The following BICC1 variants were observed in gnomAD, a reference collection of about 807,000 sequenced individuals.
BICC1 encodes the protein BicC family RNA binding protein 1.
A neutral mutation model predicts 111.0 loss-of-function variants in BICC1; 43 were observed. The observed-to-expected ratio is 0.39, with a 90% CI of 0.30 to 0.50. BICC1 has a LOEUF of 0.50. BICC1 is among the 20% of genes least tolerant of loss of function. The pLI is 0.88. For missense variants in BICC1, 1,091 were observed against 1,203.2 expected (o/e 0.91, Z 1.38); for synonymous variants, 467 against 434.4 (o/e 1.07, Z -0.93).
At chr10:58,551,965 G>GC (rs1564484140) in intron 1 of BICC1, among the ~76,000 whole-genome samples, 1 of 35,670 alleles carries the variant, frequency 2.8e-5, no homozygotes, top group African/African-American at 2.1e-4. Flanking sequence ...AGTTTTTTTT[G>GC]GGGGGGGATA....
chr10:58,731,373 C>A (rs539793713), intron 3 of BICC1, among the ~76,000 whole-genome samples: 2 of 152,286 alleles, frequency 1.3e-5, no homozygotes, highest in South Asian at 2.1e-4. Context: ...TTCATCTTCC[C>A]CCTCATCTTC....
chr10:58,784,184 T>TA, intron 3 of BICC1, among the ~76,000 whole-genome samples: 1 of 152,188 alleles, frequency 6.6e-6, no homozygotes, highest in Non-Finnish European at 1.5e-5. Context: ...TTGATTAAAT[T>TA]ATATTTTGTC....
At chr10:58,634,063 C>A (rs1213534514) in intron 2 of BICC1, among the ~76,000 whole-genome samples, 4 of 143,646 alleles carry the variant, frequency 2.8e-5, no homozygotes, top group Non-Finnish European at 4.5e-5. Context: ...GGCGCAATGT[C>A]AGCTCACTGC....
At chr10:58,751,186 T>A (rs1182011844) in intron 3 of BICC1, among the ~76,000 whole-genome samples, 1 of 152,098 alleles carries the variant, frequency 6.6e-6, no homozygotes, top group South Asian at 2.1e-4. Context: ...ATAAATAAGG[T>A]TGTTTTTCTT....
intron 20 of BICC1, chr10:58,824,102 G>A (rs1019377000): frequency 1.0e-6 from 1 of 984,060 alleles, no homozygotes; most frequent in Non-Finnish European, 1.2e-6. Flanking sequence ...TGGCATACTT[G>A]GAACTATCGA....
intron 3 of BICC1, among the ~76,000 whole-genome samples, chr10:58,725,228 A>G (rs909685626): frequency 6.6e-6 from 1 of 152,196 alleles, no homozygotes; most frequent in Non-Finnish European, 1.5e-5. Context: ...ATCATGCAAG[A>G]CATGTACATT....
chr10:58,753,630 G>A (rs970557891), intron 3 of BICC1, among the ~76,000 whole-genome samples: 18 of 151,684 alleles, frequency 1.2e-4, no homozygotes, highest in African/African-American at 3.6e-4. Context: ...TCTCTGCATC[G>A]GCCACACCTG....
chr10:58,605,198 A>AATAGCCTAG (rs1845169330), intron 1 of BICC1, among the ~76,000 whole-genome samples: 2 of 152,334 alleles, frequency 1.3e-5, no homozygotes, highest in African/African-American at 4.8e-5. Context: ...AGAATATTAA[A>AATAGCCTAG]AATCGTCACG....
chr10:58,522,368 G>A (rs991002116), intron 1 of BICC1, among the ~76,000 whole-genome samples: 1 of 152,098 alleles, frequency 6.6e-6, no homozygotes, highest in Non-Finnish European at 1.5e-5. Flanking sequence ...TCAGACCACA[G>A]TGCAATCAAA....
chr10:58,650,666 T>C (rs984795079), intron 2 of BICC1: 2 of 152,242 alleles, frequency 1.3e-5, no homozygotes, highest in African/African-American at 4.8e-5. Flanking sequence ...TTTGTGTTAC[T>C]AGCCTAGAGT....
intron 3 of BICC1, among the ~76,000 whole-genome samples, chr10:58,758,689 A>G (rs1022939098): frequency 6.6e-6 from 1 of 152,218 alleles, no homozygotes; most frequent in African/African-American, 2.4e-5. Context: ...ATCATCGGTA[A>G]GTCTAAGATA....
At chr10:58,778,190 G>C (rs1207769566) in intron 3 of BICC1, among the ~76,000 whole-genome samples, 2 of 152,096 alleles carry the variant, frequency 1.3e-5, no homozygotes, top group African/African-American at 4.8e-5. Flanking sequence ...ACCAGCCTGG[G>C]TGACAGAACA....
At chr10:58,767,906 A>T (rs1842502619) in intron 3 of BICC1, among the ~76,000 whole-genome samples, 1 of 152,124 alleles carries the variant, frequency 6.6e-6, no homozygotes, top group African/African-American at 2.4e-5. Context: ...AAGCATTTGA[A>T]ATTATCTAGT....
At chr10:58,585,767 A>G (rs1844411179) in intron 1 of BICC1, among the ~76,000 whole-genome samples, 1 of 152,196 alleles carries the variant, frequency 6.6e-6, no homozygotes, top group Non-Finnish European at 1.5e-5. Context: ...TTTCTTAATA[A>G]TTATTAAGTT....
chr10:58,754,734 G>C (rs1424312288), intron 3 of BICC1, among the ~76,000 whole-genome samples: 2 of 147,658 alleles, frequency 1.4e-5, no homozygotes, highest in Non-Finnish European at 3.0e-5. Flanking sequence ...TGGGCTTTAG[G>C]GACAAACTTG....
rs573116230 is a variant in BICC1 at position 58,521,768 on chromosome 10, GTTTTTTTTTTTTTTTTT to G, written c.190+8457_190+8473del. 4.1e-3 allele frequency among the ~76,000 whole-genome samples: 463 copies of G among 112,814 alleles called. 13 individuals carry two copies. The highest frequency in any genetic ancestry group is 0.013 in the African/African-American group (425 of 33,430). 74.0% of individuals were successfully genotyped at this position (112,814 alleles called of 152,430 possible). ...ATGAAAATCAGCCAGGGAATGTGGTGTTTTTTTTTTTTTTTTTTTTTTTTTTTTTTTTTTTTTTGAGG... is the reference window on the plus strand; with the variant it reads ...ATGAAAATCAGCCAGGGAATGTGGTGTTTTTTTTTTTTTTTTTTTTTGAGG... On this transcript the variant is annotated intron_variant, in intron 1 of 20. Coordinates refer to ENST00000373886, the MANE Select transcript of BICC1 (RefSeq NM_001080512.3).
intron 2 of BICC1, among the ~76,000 whole-genome samples, chr10:58,677,409 C>A (rs1436720221): frequency 1.3e-5 from 2 of 152,092 alleles, no homozygotes; most frequent in African/African-American, 2.4e-5. Flanking sequence ...GAAGCATATA[C>A]AAGTATCAAG....
chr10:58,699,629 G>A (rs1007356982), intron 2 of BICC1, among the ~76,000 whole-genome samples: 1 of 151,992 alleles, frequency 6.6e-6, no homozygotes, highest in Non-Finnish European at 1.5e-5. Flanking sequence ...AGAAAAGCAT[G>A]TAGATTGTTT....
At chr10:58,704,316 C>T (rs1447095823) in intron 3 of BICC1, among the ~76,000 whole-genome samples, 1 of 152,062 alleles carries the variant, frequency 6.6e-6, no homozygotes, top group Non-Finnish European at 1.5e-5. Context: ...GCAGAATGCA[C>T]TTAAAGAGAA....
Sources: gnomAD v4.1 joint callset for allele counts (sites outside exome capture counted in the v4.1 genomes callset) on GRCh38, gnomAD v4.1.1 for gene constraint, MANE v1.5 for transcripts, NCBI Gene and HGNC (gene_info 2026-07-23, HGNC 2026-07-21) for gene names.